The following LAMP2 variants were observed in gnomAD, a reference collection of about 807,000 sequenced individuals.
LAMP2 encodes lysosome associated membrane protein 2.
In LAMP2, 4 loss-of-function variants were observed where a neutral mutation model predicts 25.6. The ratio of observed to expected loss-of-function variants is 0.16; its 90% confidence interval spans 0.08 to 0.36. The LOEUF is 0.36. LAMP2 is among the 10% of genes least tolerant of loss of function. The probability of loss-of-function intolerance (pLI) is 1.00; values close to 1 mark genes in which losing one functional copy is unlikely to be tolerated. For missense variants in LAMP2, 272 were observed against 301.4 expected, an observed-to-expected ratio of 0.90 and a Z score of 0.72; for synonymous variants, 108 against 112.7, an observed-to-expected ratio of 0.96 and a Z score of 0.27.
intron 8 of LAMP2, chrX:120,437,277 G>T: frequency 1.4e-6 from 1 of 720,615 alleles, no homozygotes; most frequent in Non-Finnish European, 1.6e-6. Flanking sequence ...ACCCATGCTA[G>T]CATGCAACTG....
Position 120,449,105 on chromosome X carries a change from A to G in LAMP2, c.421T>C (p.Leu141=). 1 of 1,202,950 alleles carries G rather than the reference A, an allele frequency of 8.3e-7. No individual in the cohort carries two copies. Among genetic ancestry groups the G allele is most frequent in the Non-Finnish European group, 1.1e-6 (1 of 887,434 alleles). ...DKGILTVDEL[L]AIRIPLNDLF... is the part of the protein sequence containing the mutation. ...TCATTCAATGGAATTCTGATGGCCA[A>G]AAGTTCATCAACAGTAAGAATTCCT... is the stretch of plus-strand genomic sequence containing the variant. The change falls in exon 4 of 9, where the codon TTG becomes CTG. Residue 141 remains leucine (L), a synonymous_variant. Coordinates refer to ENST00000200639, the MANE Select transcript of LAMP2 (RefSeq NM_002294.3).
Position 120,429,158 on chromosome X carries a change from G to A in LAMP2, c.*2165C>T, listed in dbSNP as rs1413592421. 9.9e-6 allele frequency: 7 copies of A among 707,357 alleles called. No individual in the cohort carries two copies. In the African/African-American group the frequency reaches 1.1e-4, roughly 12 times the overall value. The allele number at this position is 707,357 out of a possible 1,213,427, so 58.3% of individuals were successfully genotyped here. The stretch of plus-strand genomic sequence containing the variant: ...TGTGTGTATATATATGTGTGTGTGT[G>A]TACATATATATATATATACACACAC... On this transcript the variant is annotated 3_prime_UTR_variant, in exon 9 of 9. Transcript: ENST00000200639.
chrX:120,459,043 C>T (rs748808627), intron 1 of LAMP2, among the ~76,000 whole-genome samples: 1 of 112,002 alleles, frequency 8.9e-6, no homozygotes, highest in East Asian at 2.8e-4. Context: ...AATCTTTAAT[C>T]TTGTCCCATC....
At position 120,441,782 on chromosome X, in the gene LAMP2, G is replaced by A; in HGVS notation, c.1041C>T (p.Thr347=). The A allele has an allele frequency of 8.3e-7, 1 of 1,207,851 alleles. No homozygotes were observed. Among genetic ancestry groups the A allele is most frequent in the Non-Finnish European group, 1.1e-6 (1 of 891,935 alleles). ...VSVSGAFQIN[T]FDLRVQPFNV... is the part of the protein sequence containing the mutation. Reference sequence around the variant, plus strand: ...TGAAAGGCTGAACCCTTAGATCAAAGGTATTTATCTGAAATGCTCCAGACA... The same window carrying A: ...TGAAAGGCTGAACCCTTAGATCAAAAGTATTTATCTGAAATGCTCCAGACA... The change falls in exon 8 of 9, where the codon ACC becomes ACT. Residue 347 remains threonine, a synonymous_variant. Coordinates refer to ENST00000200639, the MANE Select transcript of LAMP2 (RefSeq NM_002294.3).
rs771496857 is a variant in LAMP2, at chrX:120,430,419, A to G, written c.*904T>C. On this transcript the variant is annotated 3_prime_UTR_variant, in exon 9 of 9. Transcript: ENST00000200639. ...TTTCATAAGTACCACACTGATGACA[A>G]CACTAAATAGATTTTAATGCTCCAG... 4.0e-6 allele frequency: 3 copies of G among 750,810 alleles called. No homozygotes were observed. The highest frequency in any genetic ancestry group is 1.4e-4 in the South Asian group (2 of 14,670). 61.9% of individuals were successfully genotyped at this position (750,810 alleles called of 1,213,427 possible).
At chrX:120,436,166 A>ACTCTCT (rs1293638814) in intron 8 of LAMP2, among the ~76,000 whole-genome samples, 1 of 83,599 alleles carries the variant, frequency 1.2e-5, no homozygotes, top group African/African-American at 4.8e-5. Flanking sequence ...ACACACACAC[A>ACTCTCT]CACACTCTCT....
At chrX:120,458,356 T>C (rs868791792) in intron 1 of LAMP2, among the ~76,000 whole-genome samples, 49 of 112,317 alleles carry the variant, frequency 4.4e-4, no homozygotes, top group African/African-American at 1.5e-3. Context: ...AAGAAGACCA[T>C]GTAAAATAGT....
rs769795421 is a variant in LAMP2 at position 120,428,601 on chromosome X, G to A, written c.*2722C>T. ...CTGCAACAGGAATAAGAAAGTTGAG[G>A]TCAGAGTCAGCAGAACATTCTTCAG... On this transcript the variant is annotated 3_prime_UTR_variant, in exon 9 of 9. Coordinates refer to ENST00000200639, the MANE Select transcript of LAMP2 (RefSeq NM_002294.3). The A allele has an allele frequency of 1.7e-6, 2 of 1,192,305 alleles. No individual in the cohort carries two copies. The highest frequency in any genetic ancestry group is 4.7e-5 in the Admixed American group (2 of 42,761).
chrX:120,463,777 T>A (rs967954590), intron 1 of LAMP2, among the ~76,000 whole-genome samples: 1 of 107,135 alleles, frequency 9.3e-6, no homozygotes, highest in East Asian at 3.0e-4. Context: ...CTATCAGATA[T>A]GATAATCAAT....
chrX:120,453,000 T>A (rs1428482978), intron 3 of LAMP2, among the ~76,000 whole-genome samples: 1 of 110,806 alleles, frequency 9.0e-6, no homozygotes, highest in African/African-American at 3.3e-5. Flanking sequence ...AACCCTCTAC[T>A]CCCTCAAACA....
At chrX:120,462,840 C>T (rs1298716277) in intron 1 of LAMP2, among the ~76,000 whole-genome samples, 2 of 111,990 alleles carry the variant, frequency 1.8e-5, no homozygotes, top group Non-Finnish European at 3.8e-5. Context: ...GGGCAAGTTA[C>T]CCTTGTTTAG....
chrX:120,455,256 T>A, intron 3 of LAMP2, 101 bp downstream of exon 3: 1 of 698,484 alleles, frequency 1.4e-6, no homozygotes, highest in Non-Finnish European at 2.2e-6. Flanking sequence ...GTTTCCATGC[T>A]AGTTAGGAAG....
intron 4 of LAMP2, 54 bp from the exon 5 acceptor site, chrX:120,448,079 A>C (rs774060045): frequency 1.8e-6 from 2 of 1,140,657 alleles, no homozygotes; most frequent in African/African-American, 1.8e-5. Flanking sequence ...TTCTTAATTC[A>C]TAAGGCCAGG....
intron 5 of LAMP2, among the ~76,000 whole-genome samples, chrX:120,446,960 T>C (rs1461174084): frequency 8.9e-6 from 1 of 112,357 alleles, no homozygotes; most frequent in African/African-American, 3.2e-5. Context: ...TCTGATCCAC[T>C]GATGGCAAAT....
rs1315002948 is a variant in LAMP2 at position 120,428,914 on chromosome X, G to A, written c.*2409C>T. The stretch of plus-strand genomic sequence containing the variant: ...TTAGGTTTGATTATCTAATGACACT[G>A]GGTTAAGGAGCCATCATCTACACTT... On this transcript the variant is annotated 3_prime_UTR_variant, in exon 9 of 9. Coordinates refer to ENST00000200639, the MANE Select transcript of LAMP2 (RefSeq NM_002294.3). The A allele has an allele frequency of 1.6e-5, 12 of 748,696 alleles. No homozygotes were observed. The African/African-American group carries it at 2.6e-4, about 16-fold the overall frequency. The allele number at this position is 748,696 out of a possible 1,213,427, so 61.7% of individuals were successfully genotyped here.
At chrX:120,438,150 C>G in intron 8 of LAMP2, 1 of 746,740 alleles carries the variant, frequency 1.3e-6, no homozygotes, top group Non-Finnish European at 1.6e-6. Flanking sequence ...AGCCGCCACG[C>G]CCAGCCTAGA....
chrX:120,436,686 G>A (rs1486468848), intron 8 of LAMP2: 5 of 733,854 alleles, frequency 6.8e-6, no homozygotes, highest in East Asian at 1.5e-4. Context: ...CAGATAGAGC[G>A]TTACCATCAA....
chrX:120,454,085 C>A (rs1367522326), intron 3 of LAMP2, among the ~76,000 whole-genome samples: 2 of 111,008 alleles, frequency 1.8e-5, no homozygotes, highest in Non-Finnish European at 1.9e-5. Flanking sequence ...TTAAAATGTA[C>A]GCCATTCTGA....
chrX:120,456,515 T>C (rs1156906025), intron 2 of LAMP2, 136 bp downstream of exon 2: 1 of 416,535 alleles, frequency 2.4e-6, no homozygotes, highest in Non-Finnish European at 4.3e-6. Context: ...TCTGAGTGTG[T>C]ATGCTTAAAA....
Sources: gnomAD v4.1 joint callset for allele counts (sites outside exome capture counted in the v4.1 genomes callset) on GRCh38, gnomAD v4.1.1 for gene constraint, MANE v1.5 for transcripts, NCBI Gene and HGNC (gene_info 2026-07-23, HGNC 2026-07-21) for gene names.